AMOT: variants seen among roughly 807,000 people sequenced by gnomAD.
AMOT encodes the protein angiomotin.
AMOT carries 11 observed loss-of-function variants against 67.0 expected under a neutral mutation model. The ratio of observed to expected loss-of-function variants is 0.16; its 90% CI spans 0.10 to 0.27. The LOEUF (loss-of-function observed/expected upper bound fraction) is 0.27, where lower values mean the gene tolerates loss of function less well. AMOT is among the 10% of genes least tolerant of loss of function. AMOT has a pLI of 1.00. For synonymous variants in AMOT, 326 were observed against 321.4 expected (o/e 1.01, Z -0.15); for missense variants, 753 against 852.0 (o/e 0.88, Z 1.45).
chrX:112,800,856 T>C (rs751882505), intron 8 of AMOT, among the ~76,000 whole-genome samples: 2 of 111,749 alleles, frequency 1.8e-5, no homozygotes, highest in African/African-American at 6.5e-5. Context: ...CAATGTGACA[T>C]CTACATCATC....
At chrX:112,832,123 A>AT (rs1165780512) in intron 2 of AMOT, among the ~76,000 whole-genome samples, 171 bp downstream of exon 2, 1 of 111,407 alleles carries the variant, frequency 9.0e-6, no homozygotes, top group African/African-American at 3.3e-5. Context: ...GGGGTGCGTG[A>AT]TTTTTCATTG....
chrX:112,836,447 G>A (rs963820952), intron 1 of AMOT, among the ~76,000 whole-genome samples: 1 of 111,628 alleles, frequency 9.0e-6, no homozygotes, highest in African/African-American at 3.3e-5. Context: ...ATGTGTCCTC[G>A]GTCAGATTCT....
chrX:112,788,208 G>C (rs1352979905), intron 10 of AMOT, among the ~76,000 whole-genome samples: 2 of 109,056 alleles, frequency 1.8e-5, no homozygotes, highest in Non-Finnish European at 3.8e-5. Context: ...AGAATGGCAT[G>C]AACCCGGGAG....
intron 2 of AMOT, among the ~76,000 whole-genome samples, chrX:112,827,492 T>G (rs973470598): frequency 2.9e-4 from 32 of 112,009 alleles, no homozygotes; most frequent in African/African-American, 9.8e-4. Context: ...CTGCCAGGGG[T>G]CTGACATCAT....
intron 10 of AMOT, among the ~76,000 whole-genome samples, chrX:112,784,519 C>G (rs1933305004): frequency 8.9e-6 from 1 of 112,011 alleles, no homozygotes; most frequent in Admixed American, 9.4e-5. Context: ...GCCAAGAGTT[C>G]AAGGCTGCAG....
chrX:112,813,834 G>A (rs761011485), intron 5 of AMOT, among the ~76,000 whole-genome samples: 7 of 111,897 alleles, frequency 6.3e-5, no homozygotes, highest in Non-Finnish European at 1.3e-4. Flanking sequence ...TCACCAAAGC[G>A]ATGGGGATAG....
chrX:112,790,212 G>C (rs2147786239), intron 10 of AMOT, among the ~76,000 whole-genome samples: 1 of 108,144 alleles, frequency 9.2e-6, no homozygotes, highest in African/African-American at 3.4e-5. Flanking sequence ...GTGACATTTA[G>C]TTTCTGAGTG....
At chrX:112,810,366 G>A (rs1044924278) in intron 6 of AMOT, among the ~76,000 whole-genome samples, 1 of 112,128 alleles carries the variant, frequency 8.9e-6, no homozygotes, top group Non-Finnish European at 1.9e-5. Flanking sequence ...CTAGCAGCAT[G>A]TATTTGGGCC....
At chrX:112,815,284 C>T (rs1460180325) in intron 5 of AMOT, 74 bp downstream of exon 5, 2 of 1,113,191 alleles carry the variant, frequency 1.8e-6, no homozygotes, top group East Asian at 6.0e-5. Flanking sequence ...CAACTGGAGA[C>T]TTTAATGTGG....
intron 7 of AMOT, among the ~76,000 whole-genome samples, chrX:112,808,797 A>G (rs1453766229): frequency 8.9e-6 from 1 of 112,022 alleles, no homozygotes; most frequent in African/African-American, 3.3e-5. Flanking sequence ...GTGATACCAC[A>G]AAAGCAATTT....
rs1197155784 is a variant in AMOT at position 112,822,339 on chromosome X, T to C, written c.788A>G (p.Tyr263Cys). ...TGGCTGGTTCAGGCGATGCTCACTA[T>C]AGAAGTGCCCTGGCTCTTGGGGCTT... ...VCKPQEPGHF[Y>C]SEHRLNQPGR... The change falls in exon 4 of 14, where the codon TAT becomes TGT. Residue 263 changes from tyrosine to cysteine, a missense_variant. Tyr to Cys is a radical substitution (Grantham distance 194, BLOSUM62 -2). Around this residue, in one of 5 missense-constraint regions of AMOT, gnomAD observed 297 missense variants for 284.3 expected, o/e 1.04. Transcript: ENST00000371959. 6.1e-6 allele frequency: 7 copies of C among 1,152,797 alleles called. No homozygotes were observed. The East Asian group carries it at 1.6e-4, about 27-fold the overall frequency.
rs375472915 is a variant in AMOT at position 112,802,514 on chromosome X, A to G, written c.1776+2433T>C. 9.2e-4 allele frequency among the ~76,000 whole-genome samples: 103 copies of G among 112,288 alleles called. 3 individuals carry two copies. The East Asian group carries it at 0.026, about 28-fold the overall frequency. ...GGCTTGAAAGTCTGGAAGACATCACATGGCCTCTGAGATTCCGCTGGGTAG... is the reference window on the plus strand; with the variant it reads ...GGCTTGAAAGTCTGGAAGACATCACGTGGCCTCTGAGATTCCGCTGGGTAG... On this transcript the variant is annotated intron_variant, in intron 8 of 13. Coordinates refer to ENST00000371959, the MANE Select transcript of AMOT (RefSeq NM_001113490.2).
chrX:112,810,022 T>C lies in AMOT; in HGVS notation c.1538-36A>G, dbSNP rs756048258. On this transcript the variant is annotated intron_variant, in intron 6 of 13. Transcript: ENST00000371959. ...TGGAGACAATCAACAGGGTCTCAAA[T>C]GTAAACTTTCATGCACATACTATTG... 10 of 1,111,696 alleles carry C rather than the reference T, an allele frequency of 9.0e-6. No individual in the cohort carries two copies. The Admixed American group carries it at 2.2e-4, about 24-fold the overall frequency. The allele number at this position is 1,111,696 out of a possible 1,213,427, so 91.6% of individuals were successfully genotyped here.
At chrX:112,812,825 C>T (rs754571975) in intron 5 of AMOT, among the ~76,000 whole-genome samples, 2 of 112,036 alleles carry the variant, frequency 1.8e-5, no homozygotes, top group South Asian at 7.5e-4. Context: ...TCAGATTCAA[C>T]CCGCCTCCAT....
chrX:112,788,155 G>A (rs1933437495), intron 10 of AMOT, among the ~76,000 whole-genome samples: 2 of 110,267 alleles, frequency 1.8e-5, no homozygotes, highest in Non-Finnish European at 1.9e-5. Context: ...CAGGCGTGGT[G>A]GCACACGCCT....
chrX:112,779,393 G>GAGC lies in AMOT; in HGVS notation c.2758_2760dup (p.Ala920dup), dbSNP rs765381576. The GAGC allele has an allele frequency of 2.0e-6, 2 of 1,018,104 alleles. No individual in the cohort carries two copies. The highest frequency in any genetic ancestry group is 2.7e-6 in the Non-Finnish European group (2 of 738,320). 83.9% of individuals were successfully genotyped at this position (1,018,104 alleles called of 1,213,427 possible). A position where few individuals can be genotyped will look rare whatever the true frequency, so the allele number is the denominator to read the frequency against. On this transcript the variant is annotated inframe_insertion, in exon 13 of 14. Transcript: ENST00000371959. Reference sequence around the variant, plus strand: ...GGAGACGGGGCAGCAGCAGCAGCTGGAGCAGCAGCAGCAGCAACAGCAACT... The same window carrying GAGC: ...GGAGACGGGGCAGCAGCAGCAGCTGGAGCAGCAGCAGCAGCAGCAACAGCAACT...
At position 112,815,379 on chromosome X, in the gene AMOT, C is replaced by T; in HGVS notation, c.1371G>A (p.Glu457=). 2 of 1,210,395 alleles carry T rather than the reference C, an allele frequency of 1.7e-6. No individual in the cohort carries two copies. The highest frequency in any genetic ancestry group is 2.2e-6 in the Non-Finnish European group (2 of 894,755). Residue 457 remains glutamate, a synonymous_variant, in exon 5 of 14, where the codon GAG becomes GAA. Transcript: ENST00000371959. ...NLRQELEGCY[E]KVARLQKVET... ...TCACCTTCTGCAGTCTTGCCACCTTCTCATAGCATCCTTCCAACTCTTGCC... is the reference window on the plus strand; with the variant it reads ...TCACCTTCTGCAGTCTTGCCACCTTTTCATAGCATCCTTCCAACTCTTGCC...
At chrX:112,811,144 G>A in intron 6 of AMOT, 105 bp downstream of exon 6, 1 of 1,062,067 alleles carries the variant, frequency 9.4e-7, no homozygotes, top group Non-Finnish European at 1.3e-6. Flanking sequence ...CCATACCGGT[G>A]GGTTGGACAA....
chrX:112,817,850 G>C (rs1374430681), intron 4 of AMOT, among the ~76,000 whole-genome samples: 1 of 112,032 alleles, frequency 8.9e-6, no homozygotes, highest in Non-Finnish European at 1.9e-5. Flanking sequence ...TCAAAAGCCT[G>C]GGAGTTATTT....
Sources: allele counts gnomAD v4.1 joint callset (sites outside exome capture counted in the v4.1 genomes callset), GRCh38; gene constraint gnomAD v4.1.1; regional missense constraint gnomAD v4.1.1; transcripts MANE v1.5; gene names NCBI Gene and HGNC (gene_info 2026-07-23, HGNC 2026-07-21).